The following LRP1B variants were observed in gnomAD, a reference collection of about 807,000 sequenced individuals.
LRP1B encodes low-density lipoprotein receptor-related protein 1B.
In LRP1B, 217 loss-of-function variants were observed where a neutral mutation model predicts 556.6. The ratio of observed to expected loss-of-function variants is 0.39; its 90% confidence interval spans 0.35 to 0.44. The LOEUF is 0.44. Among genes scored for constraint, LRP1B ranks in the 20% least tolerant of loss-of-function variants. The pLI is 1.00. For missense variants in LRP1B, 5,053 were observed against 5,620.8 expected (o/e 0.90, Z 3.23); for synonymous variants, 2,047 against 1,865.8 (o/e 1.10, Z -2.50).
intron 41 of LRP1B, among the ~76,000 whole-genome samples, chr2:140,649,737 A>C (rs754126724): frequency 6.6e-6 from 1 of 152,242 alleles, no homozygotes; most frequent in African/African-American, 2.4e-5. Context: ...GAATCTACCA[A>C]ACTATAAGAA....
chr2:141,818,615 C>A (rs1373873636), intron 1 of LRP1B, among the ~76,000 whole-genome samples: 1 of 130,298 alleles, frequency 7.7e-6, no homozygotes, highest in Non-Finnish European at 1.5e-5. Flanking sequence ...TGGCTCAATG[C>A]AACCTCTGCC....
chr2:141,536,667 A>C (rs1454303028), intron 2 of LRP1B, among the ~76,000 whole-genome samples: 1 of 152,108 alleles, frequency 6.6e-6, no homozygotes, highest in East Asian at 1.9e-4. Flanking sequence ...AAGCTCCTCT[A>C]GAACTAGAGA....
chr2:140,714,947 C>A (rs968219663), intron 37 of LRP1B, among the ~76,000 whole-genome samples: 2 of 151,916 alleles, frequency 1.3e-5, no homozygotes, highest in African/African-American at 4.8e-5. Flanking sequence ...TGGGGCCATA[C>A]AACAATCTAA....
intron 1 of LRP1B, among the ~76,000 whole-genome samples, chr2:142,078,220 G>A (rs1028756499): frequency 1.3e-5 from 2 of 151,998 alleles, no homozygotes; most frequent in Non-Finnish European, 2.9e-5. Flanking sequence ...AACCTCCTCT[G>A]TTTGGGAAAA....
chr2:142,063,197 A>G (rs1704984882), intron 1 of LRP1B, among the ~76,000 whole-genome samples: 1 of 151,598 alleles, frequency 6.6e-6, no homozygotes, highest in African/African-American at 2.4e-5. Flanking sequence ...ATGTACAATT[A>G]TTTCCCCCCA....
intron 1 of LRP1B, among the ~76,000 whole-genome samples, chr2:142,077,432 TG>T (rs1319874188): frequency 1.3e-5 from 2 of 152,132 alleles, no homozygotes; most frequent in African/African-American, 4.8e-5. Flanking sequence ...GTTCTGCAAA[TG>T]AATATAATAA....
At chr2:141,584,271 T>C (rs142679233) in intron 2 of LRP1B, among the ~76,000 whole-genome samples, 84 of 151,858 alleles carry the variant, frequency 5.5e-4, no homozygotes, top group South Asian at 1.7e-3. Flanking sequence ...AAGAAGATAA[T>C]TTTTTCAACT....
At chr2:141,994,854 C>T (rs1429659968) in intron 1 of LRP1B, among the ~76,000 whole-genome samples, 1 of 152,104 alleles carries the variant, frequency 6.6e-6, no homozygotes, top group African/African-American at 2.4e-5. Flanking sequence ...AGCTCCCAGA[C>T]ATAAAGATTG....
intron 1 of LRP1B, among the ~76,000 whole-genome samples, chr2:141,927,446 A>G (rs1700363976): frequency 6.6e-6 from 1 of 152,148 alleles, no homozygotes; most frequent in South Asian, 2.1e-4. Flanking sequence ...TTTTAGAGCA[A>G]AACATGTCCA....
chr2:141,094,208 A>G (rs1700240032), intron 7 of LRP1B, among the ~76,000 whole-genome samples: 1 of 152,196 alleles, frequency 6.6e-6, no homozygotes. Flanking sequence ...GAGACTTCTA[A>G]GTACTAAATA....
intron 2 of LRP1B, among the ~76,000 whole-genome samples, chr2:141,661,802 C>T (rs1445290901): frequency 6.6e-6 from 1 of 152,038 alleles, no homozygotes; most frequent in African/African-American, 2.4e-5. Flanking sequence ...CAAGACAGGC[C>T]AACATTCAAA....
rs117313460 is a variant in LRP1B at position 140,769,575 on chromosome 2, T to C, written c.5627-231A>G. 5.8e-3 allele frequency among the ~76,000 whole-genome samples: 884 copies of C among 152,048 alleles called. 30 individuals carry two copies. Among genetic ancestry groups the C allele is most frequent in the Admixed American group, 0.046 (700 of 15,222 alleles). On this transcript the variant is annotated intron_variant, in intron 34 of 90. Coordinates refer to ENST00000389484, the MANE Select transcript of LRP1B (RefSeq NM_018557.3). ...ATGATTTGTTAAAATAGGAATTTAT[T>C]AAAATGAATTAGTGGGCCCCATCCC...
intron 66 of LRP1B, among the ~76,000 whole-genome samples, chr2:140,400,581 T>C (rs957378303): frequency 6.6e-6 from 1 of 152,226 alleles, no homozygotes; most frequent in Non-Finnish European, 1.5e-5. Flanking sequence ...TGCAATCATT[T>C]ATTCAACAAT....
At chr2:140,724,131 G>A (rs971227030) in intron 35 of LRP1B, among the ~76,000 whole-genome samples, 4 of 152,186 alleles carry the variant, frequency 2.6e-5, no homozygotes, top group Non-Finnish European at 5.9e-5. Context: ...GTAGATAAAC[G>A]GATTCTTTCG....
At chr2:140,238,341 C>A (rs201081715) in intron 88 of LRP1B, 45 bp from the exon 89 acceptor site, 1 of 986,792 alleles carries the variant, frequency 1.0e-6, no homozygotes, top group Admixed American at 2.2e-5. Flanking sequence ...GTATAAATAT[C>A]ACAATCAAGG....
intron 72 of LRP1B, among the ~76,000 whole-genome samples, chr2:140,361,835 C>T (rs552686669): frequency 7.1e-4 from 108 of 151,618 alleles, no homozygotes; most frequent in Non-Finnish European, 1.4e-3. Flanking sequence ...CTACCTCTTT[C>T]CTTTCAATGT....
At chr2:141,118,210 G>T (rs13000507) in intron 7 of LRP1B, among the ~76,000 whole-genome samples, 72,295 of 151,496 alleles carry the variant, frequency 0.48, 18,524 homozygotes, top group Middle Eastern at 0.59. Context: ...TTTAAACCTA[G>T]AAATGGCTGC....
rs183280536 is a variant in LRP1B, at chr2:141,479,989, C to T, written c.343+407G>A. 5.0e-3 allele frequency among the ~76,000 whole-genome samples: 754 copies of T among 152,172 alleles called. 7 individuals are homozygous for T. The highest frequency in any genetic ancestry group is 0.016 in the African/African-American group (655 of 41,514). On this transcript the variant is annotated intron_variant, in intron 3 of 90. Coordinates refer to ENST00000389484, the MANE Select transcript of LRP1B (RefSeq NM_018557.3). Reference sequence around the variant, plus strand: ...ACTTCTTACTGAAATACTTGTTTGACGAAGCATTCCTTCAAATTCTTTGTT... The same window carrying T: ...ACTTCTTACTGAAATACTTGTTTGATGAAGCATTCCTTCAAATTCTTTGTT...
At chr2:141,019,599 A>C (rs1165696859) in intron 12 of LRP1B, among the ~76,000 whole-genome samples, 1 of 152,094 alleles carries the variant, frequency 6.6e-6, no homozygotes, top group Non-Finnish European at 1.5e-5. Context: ...TTAAAATATA[A>C]AATGGATTGA....
Sources: gnomAD v4.1 joint callset for allele counts (sites outside exome capture counted in the v4.1 genomes callset) on GRCh38, gnomAD v4.1.1 for gene constraint, MANE v1.5 for transcripts, NCBI Gene and HGNC (gene_info 2026-07-23, HGNC 2026-07-21) for gene names.